PCDHGB7: variants seen among roughly 807,000 people sequenced by gnomAD.
PCDHGB7 encodes protocadherin gamma subfamily B, 7.
PCDHGB7 carries 37 observed loss-of-function variants against 61.4 expected under a neutral mutation model. The ratio of observed to expected loss-of-function variants is 0.60; its 90% confidence interval spans 0.46 to 0.79. The LOEUF (loss-of-function observed/expected upper bound fraction) is 0.79. Among genes scored for constraint, PCDHGB7 ranks in the 30% least tolerant of loss-of-function variants. PCDHGB7 has a pLI of 0.00. For missense variants in PCDHGB7, 1,166 were observed against 1,202.5 expected (o/e 0.97, Z 0.45); for synonymous variants, 464 against 503.5 (o/e 0.92, Z 1.05).
chr5:141,473,245 C>T (rs2099317733), intron 1 of PCDHGB7, among the ~76,000 whole-genome samples: 1 of 152,134 alleles, frequency 6.6e-6, no homozygotes, highest in African/African-American at 2.4e-5. Context: ...CAAGTGAATA[C>T]ATATATAGTC....
intron 1 of PCDHGB7, chr5:141,478,917 T>A: frequency 1.3e-6 from 1 of 772,666 alleles, no homozygotes; most frequent in Middle Eastern, 3.9e-4. Flanking sequence ...TGGATACCTC[T>A]AACCAGTGGC....
At position 141,432,001 on chromosome 5, in the gene PCDHGB7, G is replaced by T. The variant is rs755338230; in HGVS notation, c.2415+11727G>T. On this transcript the variant is annotated intron_variant, in intron 1 of 3. Coordinates refer to ENST00000398594, the MANE Select transcript of PCDHGB7 (RefSeq NM_018927.4). This position sits in a 1 kb window ranked among gnomAD's most constrained non-coding sequence, Gnocchi z 6.0. Reference sequence around the variant, plus strand: ...CAGACATAGTCTTGGATAGGGAACAGGTTCCTAGCTACAACATCACAGTGA... The same window carrying T: ...CAGACATAGTCTTGGATAGGGAACATGTTCCTAGCTACAACATCACAGTGA... 4 of 1,614,220 alleles carry T rather than the reference G, an allele frequency of 2.5e-6. No homozygotes were observed. In the East Asian group the frequency reaches 8.9e-5, roughly 36 times the overall value.
chr5:141,509,086 A>T lies in PCDHGB7; in HGVS notation c.2564-1861A>T, dbSNP rs147084289. On this transcript the variant is annotated intron_variant, in intron 3 of 3. Coordinates refer to ENST00000398594, the MANE Select transcript of PCDHGB7 (RefSeq NM_018927.4). ...CAGCTCCGGGGATTTGCGACATGAAATGGGGGCTGTAGAAACCTGAGCGCT... is the reference window on the plus strand; with the variant it reads ...CAGCTCCGGGGATTTGCGACATGAATTGGGGGCTGTAGAAACCTGAGCGCT... 8.3e-3 allele frequency among the ~76,000 whole-genome samples: 1,261 copies of T among 152,228 alleles called. 7 individuals are homozygous for T. Among genetic ancestry groups the T allele is most frequent in the Middle Eastern group, 0.037 (11 of 294 alleles).
chr5:141,470,718 G>A (rs916720866), intron 1 of PCDHGB7, among the ~76,000 whole-genome samples: 2 of 152,022 alleles, frequency 1.3e-5, no homozygotes, highest in Non-Finnish European at 2.9e-5. Flanking sequence ...ATTTTTTTGA[G>A]TCAGGGTCTT....
rs145936007 is a variant in PCDHGB7, at chr5:141,490,795, C to T, written c.2416-4012C>T. 2.0e-5 allele frequency: 33 copies of T among 1,614,036 alleles called. No homozygotes were observed. Among genetic ancestry groups the T allele is most frequent in the Non-Finnish European group, 2.8e-5 (33 of 1,179,922 alleles). ...CCCAGAGGATGGACGGATCTTTGCC[C>T]AGCGTACCTTTGACTATGAATTGCT... On this transcript the variant is annotated intron_variant, in intron 1 of 3. Coordinates refer to ENST00000398594, the MANE Select transcript of PCDHGB7 (RefSeq NM_018927.4). This position sits in a 1 kb window ranked among gnomAD's most constrained non-coding sequence, Gnocchi z 5.4.
intron 1 of PCDHGB7, among the ~76,000 whole-genome samples, chr5:141,467,330 G>T (rs1335387199): frequency 6.6e-6 from 1 of 152,138 alleles, no homozygotes; most frequent in East Asian, 1.9e-4. Context: ...TGGGATTAGA[G>T]ACGTAAGCCA....
intron 1 of PCDHGB7, among the ~76,000 whole-genome samples, chr5:141,455,732 A>G (rs1056074268): frequency 6.6e-6 from 1 of 152,190 alleles, no homozygotes; most frequent in Non-Finnish European, 1.5e-5. Context: ...CTGCATTTGC[A>G]TATCAAAGGT....
rs10040701 is a variant in PCDHGB7 at position 141,508,490 on chromosome 5, A to G, written c.2564-2457A>G. ...TCTTTCTTTTACATTCTGGATTTCC[A>G]TATCTTCTCTCCCTCCTGGTCCAGC... On this transcript the variant is annotated intron_variant, in intron 3 of 3. Transcript: ENST00000398594. Among the ~76,000 whole-genome samples, 377 of 152,202 alleles carry G rather than the reference A, an allele frequency of 2.5e-3. 1 individual carries two copies. The highest frequency in any genetic ancestry group is 8.6e-3 in the African/African-American group (358 of 41,530).
intron 1 of PCDHGB7, chr5:141,427,677 C>G: frequency 1.2e-6 from 1 of 816,672 alleles, no homozygotes; most frequent in Non-Finnish European, 2.1e-6. Context: ...AAACAACCTT[C>G]CCGGAGCCTC....
At chr5:141,430,715 A>T in intron 1 of PCDHGB7, 1 of 1,483,384 alleles carries the variant, frequency 6.7e-7, no homozygotes, top group Non-Finnish European at 8.9e-7. Context: ...TCCTGACTTC[A>T]GTGGTTAAGG....
At position 141,477,019 on chromosome 5, in the gene PCDHGB7, C is replaced by T. The variant is rs148675327; in HGVS notation, c.2416-17788C>T. 1.9e-5 allele frequency: 30 copies of T among 1,614,242 alleles called. No individual in the cohort carries two copies. Among genetic ancestry groups the T allele is most frequent in the Non-Finnish European group, 2.5e-5 (30 of 1,180,048 alleles). On this transcript the variant is annotated intron_variant, in intron 1 of 3. Transcript: ENST00000398594. This position sits in a 1 kb window ranked among gnomAD's most constrained non-coding sequence, Gnocchi z 4.9. ...AACTATTCGCCTTAGACCTTGTAAC[C>T]GGGATGCTGACAATCAAGGGTCGGC...
chr5:141,445,576 G>A (rs1459010134), intron 1 of PCDHGB7, among the ~76,000 whole-genome samples: 1 of 152,158 alleles, frequency 6.6e-6, no homozygotes, highest in Non-Finnish European at 1.5e-5. Flanking sequence ...TTATAGTAGG[G>A]AAGCTTCGCC....
intron 1 of PCDHGB7, among the ~76,000 whole-genome samples, chr5:141,449,041 C>T (rs998143732): frequency 3.3e-5 from 5 of 152,126 alleles, no homozygotes; most frequent in Admixed American, 3.3e-4. Flanking sequence ...GATTATTAAC[C>T]AGTCTCATAA....
chr5:141,491,284 A>C lies in PCDHGB7; in HGVS notation c.2416-3523A>C. ...AATGCCCAAATCCAGTGACTTCCTC[A>C]TACACCCTCCTGAGCGTTCAGACCT... On this transcript the variant is annotated intron_variant, in intron 1 of 3. Transcript: ENST00000398594. The surrounding 1 kb of genome is among the most constrained non-coding windows in gnomAD (Gnocchi z 6.9). 1.2e-6 allele frequency: 2 copies of C among 1,614,128 alleles called. No homozygotes were observed. The highest frequency in any genetic ancestry group is 1.7e-6 in the Non-Finnish European group (2 of 1,179,978).
Position 141,432,759 on chromosome 5 carries a change from G to A in PCDHGB7, c.2415+12485G>A. 6.2e-7 allele frequency: 1 copy of A among 1,614,150 alleles called. No individual in the cohort carries two copies. The highest frequency in any genetic ancestry group is 8.5e-7 in the Non-Finnish European group (1 of 1,180,006). On this transcript the variant is annotated intron_variant, in intron 1 of 3. Coordinates refer to ENST00000398594, the MANE Select transcript of PCDHGB7 (RefSeq NM_018927.4). This position sits in a 1 kb window ranked among gnomAD's most constrained non-coding sequence, Gnocchi z 6.0. ...ACGCTCACCGTGGCCGTGGCCGACA[G>A]CATCCCCCAAGTCCTGGCGGACCTC...
At chr5:141,502,377 C>A (rs748121694) in intron 2 of PCDHGB7, among the ~76,000 whole-genome samples, 14 of 151,904 alleles carry the variant, frequency 9.2e-5, no homozygotes, top group Non-Finnish European at 1.3e-4. Flanking sequence ...AGAGTCCAGG[C>A]CAGTTGTACT....
chr5:141,421,055 C>A, intron 1 of PCDHGB7: 2 of 577,118 alleles, frequency 3.5e-6, no homozygotes, highest in South Asian at 2.4e-5. Flanking sequence ...GCCTCTACCA[C>A]ACAAAGCGGA....
chr5:141,432,482 G>T lies in PCDHGB7; in HGVS notation c.2415+12208G>T, dbSNP rs768206517. 2.5e-6 allele frequency: 4 copies of T among 1,614,060 alleles called. No individual in the cohort carries two copies. Among genetic ancestry groups the T allele is most frequent in the Non-Finnish European group, 3.4e-6 (4 of 1,180,052 alleles). ...CCTCCCCACGGACGGTTCCACTGGC[G>T]TGGAGCTGGCTCCCCGCTCCGCAGA... On this transcript the variant is annotated intron_variant, in intron 1 of 3. Transcript: ENST00000398594. The surrounding 1 kb of genome is among the most constrained non-coding windows in gnomAD (Gnocchi z 6.0).
Position 141,487,820 on chromosome 5 carries a change from G to A in PCDHGB7, c.2416-6987G>A, listed in dbSNP as rs1024593393. 8 of 1,293,652 alleles carry A rather than the reference G, an allele frequency of 6.2e-6. No individual in the cohort carries two copies. The highest frequency in any genetic ancestry group is 3.7e-4 in the Middle Eastern group (2 of 5,382). 80.1% of individuals were successfully genotyped at this position (1,293,652 alleles called of 1,614,324 possible). A position where few individuals can be genotyped will look rare whatever the true frequency, so the allele number is the denominator to read the frequency against. On this transcript the variant is annotated intron_variant, in intron 1 of 3. Transcript: ENST00000398594. This position sits in a 1 kb window ranked among gnomAD's most constrained non-coding sequence, Gnocchi z 5.0. ...GTTGTCACAGTTTAGCATTGGGGGC[G>A]GGTCATGCCTATATCTGAGTAAGAA...
Sources: allele counts gnomAD v4.1 joint callset (sites outside exome capture counted in the v4.1 genomes callset), GRCh38; gene constraint gnomAD v4.1.1; non-coding constraint Gnocchi (gnomAD v3.1); transcripts MANE v1.5; gene names NCBI Gene and HGNC (gene_info 2026-07-23, HGNC 2026-07-21).